The following HYCC1 variants were observed in gnomAD, a reference collection of about 807,000 sequenced individuals.
The protein encoded by HYCC1 is hyccin.
the HYCC1 span, among the ~76,000 whole-genome samples, chr7:22,968,371 A>T: frequency 0.25 from 38,628 of 152,142 alleles, 5,742 homozygotes; most frequent in Non-Finnish European, 0.34. Context: ...AGACCATACC[A>T]ACAAGGGCAA....
At chr7:22,945,618 TAGG>T in the HYCC1 span, 2 of 1,612,142 alleles carry the variant, frequency 1.2e-6, no homozygotes, top group Non-Finnish European at 1.7e-6. Flanking sequence ...ATGCTAATAC[TAGG>T]AGGTCTCTGC....
chr7:22,939,878 A>G, the HYCC1 span: 2 of 152,344 alleles, frequency 1.3e-5, no homozygotes, highest in Admixed American at 1.3e-4. Flanking sequence ...TTTTAATTAC[A>G]CATATTAGCT....
At chr7:22,945,580 T>A in the HYCC1 span, 2 of 1,582,110 alleles carry the variant, frequency 1.3e-6, no homozygotes, top group Non-Finnish European at 1.7e-6. Flanking sequence ...GAGAAAAATA[T>A]GTTACTAATT....
At chr7:22,994,772 C>G in the HYCC1 span, among the ~76,000 whole-genome samples, 1 of 152,168 alleles carries the variant, frequency 6.6e-6, no homozygotes, top group Non-Finnish European at 1.5e-5. Flanking sequence ...CTCACCACCA[C>G]TGTCTGCTTT....
chr7:22,964,414 C>T, the HYCC1 span: 3 of 1,534,256 alleles, frequency 2.0e-6, no homozygotes, highest in Non-Finnish European at 2.7e-6. Context: ...GAGATACTTA[C>T]AAGGCAAAAT....
chr7:22,978,029 A>G, the HYCC1 span: 3 of 593,470 alleles, frequency 5.1e-6, no homozygotes, highest in Non-Finnish European at 8.9e-6. Flanking sequence ...AGATATCTCT[A>G]TAAAAGAAAT....
At chr7:22,905,065 C>T in the HYCC1 span, among the ~76,000 whole-genome samples, 1 of 151,956 alleles carries the variant, frequency 6.6e-6, no homozygotes, top group African/African-American at 2.4e-5. Flanking sequence ...GGAGGGGCCA[C>T]ACAGTTTTAA....
chr7:22,914,930 ATTT>A, the HYCC1 span, among the ~76,000 whole-genome samples: 1 of 152,136 alleles, frequency 6.6e-6, no homozygotes, highest in African/African-American at 2.4e-5. Context: ...CTGCCCAAAA[ATTT>A]CCTCTTAAAG....
the HYCC1 span, among the ~76,000 whole-genome samples, chr7:22,965,776 C>T: frequency 7.9e-5 from 12 of 151,982 alleles, no homozygotes; most frequent in African/African-American, 2.9e-4. Context: ...GTCACCACAC[C>T]TAGCTGTTTA....
chr7:22,981,588 C>T, the HYCC1 span, among the ~76,000 whole-genome samples: 1 of 152,026 alleles, frequency 6.6e-6, no homozygotes, highest in Non-Finnish European at 1.5e-5. Context: ...AATAAAAGCA[C>T]GAAACTAACA....
chr7:22,977,655 G>A, the HYCC1 span, among the ~76,000 whole-genome samples: 1 of 152,146 alleles, frequency 6.6e-6, no homozygotes, highest in Non-Finnish European at 1.5e-5. Flanking sequence ...CTGAGATACA[G>A]ATACAGTGTC....
chr7:23,010,887 A>C, the HYCC1 span, among the ~76,000 whole-genome samples: 1 of 152,190 alleles, frequency 6.6e-6, no homozygotes, highest in Non-Finnish European at 1.5e-5. Flanking sequence ...GTTCTCTTGA[A>C]AAGTCTCACT....
At chr7:22,917,051 G>T in the HYCC1 span, among the ~76,000 whole-genome samples, 1 of 152,148 alleles carries the variant, frequency 6.6e-6, no homozygotes. Flanking sequence ...TTCACTGCTA[G>T]GGCCATCAAA....
the HYCC1 span, among the ~76,000 whole-genome samples, chr7:22,917,634 A>C: frequency 2.0e-5 from 3 of 152,212 alleles, no homozygotes; most frequent in Non-Finnish European, 2.9e-5. Flanking sequence ...CCCTTCCGTC[A>C]GACATAATTC....
At chr7:22,975,857 C>T in the HYCC1 span, among the ~76,000 whole-genome samples, 1 of 152,116 alleles carries the variant, frequency 6.6e-6, no homozygotes, top group Non-Finnish European at 1.5e-5. Context: ...GCTGGGACTA[C>T]AGGCGTGCAC....
chr7:22,921,087 A>C, the HYCC1 span, among the ~76,000 whole-genome samples: 1 of 152,334 alleles, frequency 6.6e-6, no homozygotes, highest in Admixed American at 6.5e-5. Flanking sequence ...CTGTGAGCCA[A>C]TTAAACCTCT....
At chr7:22,917,212 A>G in the HYCC1 span, among the ~76,000 whole-genome samples, 1 of 152,004 alleles carries the variant, frequency 6.6e-6, no homozygotes, top group Non-Finnish European at 1.5e-5. Context: ...CCACCTGTCA[A>G]TCTCTTCCCA....
the HYCC1 span, among the ~76,000 whole-genome samples, chr7:22,981,110 GCT>G: frequency 6.6e-6 from 1 of 152,018 alleles, no homozygotes; most frequent in Non-Finnish European, 1.5e-5. Flanking sequence ...TATCCTTATA[GCT>G]TTATCACTAA....
At chr7:22,927,880 CA>C in the HYCC1 span, among the ~76,000 whole-genome samples, 765 of 151,978 alleles carry the variant, frequency 5.0e-3, 9 homozygotes, top group African/African-American at 0.017. Context: ...GAGACACAAC[CA>C]AAAAAGAGAA....
Sources: gnomAD v4.1 joint callset for allele counts (sites outside exome capture counted in the v4.1 genomes callset) on GRCh38, gnomAD v4.1.1 for gene constraint, MANE v1.5 for transcripts, NCBI Gene and HGNC (gene_info 2026-07-23, HGNC 2026-07-21) for gene names.